The following NBPF9 variants were observed in gnomAD, a reference collection of about 807,000 sequenced individuals.
The protein encoded by NBPF9 is NBPF family member NBPF9.
A neutral mutation model predicts 97.8 loss-of-function variants in NBPF9; 91 were observed. The observed-to-expected ratio is 0.93, with a 90% CI of 0.79 to 1.11. The LOEUF is 1.11. Ranked by LOEUF, NBPF9 falls within the 50% of genes least tolerant of loss-of-function variation. The pLI is 0.00. For missense variants in NBPF9, 992 were observed against 939.5 expected, an observed-to-expected ratio of 1.06 and a Z score of -0.73; for synonymous variants, 334 against 359.5, an observed-to-expected ratio of 0.93 and a Z score of 0.80.
rs1473778840 is a variant in NBPF9 at position 149,059,203 on chromosome 1, G to T, written c.2586-106C>A. On this transcript the variant is annotated intron_variant, in intron 25 of 29. Coordinates refer to ENST00000584027, the Ensembl canonical transcript of NBPF9. The stretch of plus-strand genomic sequence containing the variant: ...TAAGGAACTGTTTAAAAAGAAAAAG[G>T]ACAGATCCATTAATGAGGTAATGAA... 2.2e-4 allele frequency: 95 copies of T among 436,000 alleles called. 23 individuals carry two copies. Among genetic ancestry groups the T allele is most frequent in the Non-Finnish European group, 3.1e-4 (73 of 238,238 alleles). 27.0% of individuals were successfully genotyped at this position (436,000 alleles called of 1,614,324 possible).
intron 20 of NBPF9, among the ~76,000 whole-genome samples, chr1:149,063,119 T>C (rs2078747285): frequency 6.9e-6 from 1 of 144,864 alleles, no homozygotes; most frequent in East Asian, 2.1e-4. Flanking sequence ...AAATTCCCTA[T>C]TCTGGTAGAC....
intron 5 of NBPF9, among the ~76,000 whole-genome samples, chr1:149,084,123 C>T (rs1476789579): frequency 2.3e-4 from 35 of 150,488 alleles, no homozygotes; most frequent in Admixed American, 1.3e-3. Context: ...GGACACAGGA[C>T]GGGGAACATC....
rs1307351551 is a variant in NBPF9, at chr1:149,059,338, G to A, written c.2586-241C>T. 274 of 464,982 alleles carry A rather than the reference G, an allele frequency of 5.9e-4. 76 individuals are homozygous for A. The highest frequency in any genetic ancestry group is 7.3e-4 in the Non-Finnish European group (183 of 251,314). The allele number at this position is 464,982 out of a possible 1,614,324, so 28.8% of individuals were successfully genotyped here. ...GAGAAAGTGACCTAGTGAATTGGCCGGGTGACACACTGATGAAGGAGTAAA... is the reference window on the plus strand; with the variant it reads ...GAGAAAGTGACCTAGTGAATTGGCCAGGTGACACACTGATGAAGGAGTAAA... On this transcript the variant is annotated intron_variant, in intron 25 of 29. Transcript: ENST00000584027.
exon 30 of NBPF9, chr1:149,055,554 C>T: frequency 1.3e-6 from 2 of 1,566,114 alleles, no homozygotes; most frequent in Non-Finnish European, 1.7e-6. Flanking sequence ...CTGACCCATC[C>T]TATGTCTGGG....
intron 4 of NBPF9, among the ~76,000 whole-genome samples, chr1:149,097,672 C>A (rs1216421557): frequency 1.3e-5 from 2 of 152,128 alleles, no homozygotes; most frequent in Non-Finnish European, 2.9e-5. Context: ...TCTTTCTCCC[C>A]CTCTCAATGC....
exon 1 of NBPF9, chr1:149,103,549 G>C (rs587747269): frequency 1.3e-5 from 2 of 152,366 alleles, no homozygotes; most frequent in African/African-American, 2.4e-5. Flanking sequence ...CGCTCGGCGC[G>C]TCAGGAGAGC....
chr1:149,088,236 A>G (rs1257632119), intron 5 of NBPF9, among the ~76,000 whole-genome samples: 33 of 152,376 alleles, frequency 2.2e-4, no homozygotes, highest in Middle Eastern at 3.4e-3. Flanking sequence ...CAGAAATACA[A>G]AAGACCACTT....
chr1:149,071,002 T>G, exon 16 of NBPF9: 2 of 1,612,248 alleles, frequency 1.2e-6, no homozygotes, highest in South Asian at 2.2e-5. Flanking sequence ...TGAGTCGACT[T>G]TGTCTTCCTC....
At chr1:149,082,957 CTTTTTTTT>C (rs1157992196) in intron 5 of NBPF9, among the ~76,000 whole-genome samples, 2,593 of 66,404 alleles carry the variant, frequency 0.039, 13 homozygotes, top group South Asian at 0.06. Context: ...TTTTTCTTTT[CTTTTTTTT>C]TTTTTTTTTT....
chr1:149,093,139 G>A lies in NBPF9; in HGVS notation c.-336-2245C>T, dbSNP rs1333975641. ...GGAGAGAAGATCAGCAGGTAAACAC[G>A]TGAACAAATGTCTCTGCATCATAAA... On this transcript the variant is annotated intron_variant, in intron 4 of 29. Coordinates refer to ENST00000584027, the Ensembl canonical transcript of NBPF9. 5.6e-4 allele frequency among the ~76,000 whole-genome samples: 85 copies of A among 151,948 alleles called. 1 individual carries two copies. Among genetic ancestry groups the A allele is most frequent in the Admixed American group, 1.0e-3 (16 of 15,262 alleles).
chr1:149,085,063 A>T (rs3928328), intron 5 of NBPF9, among the ~76,000 whole-genome samples: 1 of 151,900 alleles, frequency 6.6e-6, no homozygotes, highest in South Asian at 2.1e-4. Flanking sequence ...AGCTTTGCCC[A>T]CCTTTCCTTC....
At chr1:149,069,455 A>G in intron 17 of NBPF9, 139 bp downstream of exon 17, 2 of 517,244 alleles carry the variant, frequency 3.9e-6, no homozygotes, top group Non-Finnish European at 7.0e-6. Context: ...CACAAATAAC[A>G]TACAACATTG....
intron 2 of NBPF9, among the ~76,000 whole-genome samples, chr1:149,101,783 T>C: frequency 6.6e-6 from 1 of 152,174 alleles, no homozygotes; most frequent in Non-Finnish European, 1.5e-5. Flanking sequence ...TGGGAAAACG[T>C]TCAACAGTAT....
chr1:149,060,863 T>A lies in NBPF9; in HGVS notation c.2304-168A>T. On this transcript the variant is annotated intron_variant, in intron 23 of 29. Coordinates refer to ENST00000584027, the Ensembl canonical transcript of NBPF9. Reference sequence around the variant, plus strand: ...CATGTTGGGACACAACGGGGCCAAATGGAAAAGAATGAAAGAGAAAGACAG... The same window carrying A: ...CATGTTGGGACACAACGGGGCCAAAAGGAAAAGAATGAAAGAGAAAGACAG... The A allele has an allele frequency of 4.9e-6, 2 of 405,106 alleles. 1 individual carries two copies. The highest frequency in any genetic ancestry group is 6.9e-5 in the African/African-American group (2 of 28,912). 25.1% of individuals were successfully genotyped at this position (405,106 alleles called of 1,614,324 possible).
At chr1:149,082,529 A>T (rs1553657137) in intron 5 of NBPF9, 99 bp from the exon 6 acceptor site, 1 of 575,862 alleles carries the variant, frequency 1.7e-6, no homozygotes, top group South Asian at 2.1e-5. Context: ...CAGGCACCCT[A>T]GTCTCACCTG....
intron 5 of NBPF9, among the ~76,000 whole-genome samples, chr1:149,084,192 C>A (rs2152913104): frequency 6.9e-6 from 1 of 145,862 alleles, no homozygotes; most frequent in South Asian, 2.2e-4. Context: ...AGGAGAAATA[C>A]CTAATGTAAA....
intron 3 of NBPF9, among the ~76,000 whole-genome samples, chr1:149,098,972 C>T (rs1355461829): frequency 1.6e-4 from 22 of 140,890 alleles, no homozygotes; most frequent in Non-Finnish European, 2.8e-4. Context: ...CTCAGCTACT[C>T]GGAAGGTTGA....
At chr1:149,076,093 T>C (rs1419037644) in intron 11 of NBPF9, among the ~76,000 whole-genome samples, 1 of 152,116 alleles carries the variant, frequency 6.6e-6, no homozygotes, top group African/African-American at 2.4e-5. Context: ...TTCTTGCTTA[T>C]ACGTTTCTAT....
At chr1:149,064,533 A>T (rs2078898603) in intron 18 of NBPF9, 51 bp from the exon 19 acceptor site, 7 of 1,350,584 alleles carry the variant, frequency 5.2e-6, no homozygotes, top group Middle Eastern at 2.2e-4. Flanking sequence ...CCTTCCTTGC[A>T]CACAGAAACA....
Sources: gnomAD v4.1 joint callset for allele counts (sites outside exome capture counted in the v4.1 genomes callset) on GRCh38, gnomAD v4.1.1 for gene constraint, MANE v1.5 for transcripts, NCBI Gene and HGNC (gene_info 2026-07-23, HGNC 2026-07-21) for gene names.